WDR36: variants seen among roughly 807,000 people sequenced by gnomAD.
The protein encoded by WDR36 is WD repeat domain 36, also known as WD repeat-containing protein 36.
A neutral mutation model predicts 112.7 loss-of-function variants in WDR36; 63 were observed. The observed-to-expected ratio is 0.56, with a 90% CI of 0.46 to 0.69. The LOEUF is 0.69. WDR36 is among the 30% of genes least tolerant of loss of function. WDR36 has a pLI of 0.00. For missense variants in WDR36, 1,226 were observed against 1,070.3 expected (o/e 1.15, Z -2.03); for synonymous variants, 410 against 362.2 (o/e 1.13, Z -1.50).
intron 11 of WDR36, 30 bp downstream of exon 11, chr5:111,106,173 G>T (rs917701196): frequency 2.3e-5 from 35 of 1,545,408 alleles, no homozygotes; most frequent in Non-Finnish European, 3.1e-5. Context: ...GTTTTGAGAA[G>T]TTCTCCTTTG....
chr5:111,115,046 T>C (rs1392451288), intron 16 of WDR36, among the ~76,000 whole-genome samples: 2 of 152,154 alleles, frequency 1.3e-5, no homozygotes, highest in African/African-American at 4.8e-5. Context: ...GTTGAACAGA[T>C]TCAAATCTGA....
At position 111,103,908 on chromosome 5, in the gene WDR36, A is replaced by G. The variant is rs1467634312; in HGVS notation, c.720A>G (p.Ser240=). 1 of 1,611,026 alleles carries G rather than the reference A, an allele frequency of 6.2e-7. No homozygotes were observed. Among genetic ancestry groups the G allele is most frequent in the East Asian group, 2.2e-5 (1 of 44,790 alleles). ...RQDWGPITSI[S]FRTDGHPVMA... ...ACTGGGGACCCATTACTTCAATTTC[A>G]TTTCGCACAGGTAACTTTTAACATA... The change falls in exon 7 of 23, where the codon TCA becomes TCG. Residue 240 remains serine, a synonymous_variant. Transcript: ENST00000513710.
intron 1 of WDR36, among the ~76,000 whole-genome samples, chr5:111,094,308 C>T (rs1752931568): frequency 6.6e-6 from 1 of 152,108 alleles, no homozygotes; most frequent in African/African-American, 2.4e-5. Flanking sequence ...AAATAAATAC[C>T]TGTTTTACAG....
Position 111,104,296 on chromosome 5 carries a change from A to G in WDR36, c.850A>G (p.Thr284Ala), listed in dbSNP as rs938626153. 4 of 1,612,058 alleles carry G rather than the reference A, an allele frequency of 2.5e-6. No individual in the cohort carries two copies. Among genetic ancestry groups the G allele is most frequent in the Admixed American group, 3.3e-5 (2 of 59,834 alleles). ...NAHSTAIAGL[T>A]FLHREPLLVT... ...ACACTCTACAGCAATTGCCGGACTG[A>G]CATTTCTCCATAGAGAGCCACTTCT... The change falls in exon 8 of 23, where the codon ACA (threonine) becomes GCA (alanine). Residue 284 changes from threonine to alanine, a missense_variant. Transcript: ENST00000513710.
rs762528315 is a variant in WDR36 at position 111,121,027 on chromosome 5, A to T, written c.2034A>T (p.Pro678=). The T allele has an allele frequency of 6.2e-7, 1 of 1,613,408 alleles. No homozygotes were observed. Among genetic ancestry groups the T allele is most frequent in the Non-Finnish European group, 8.5e-7 (1 of 1,179,586 alleles). The change falls in exon 19 of 23, where the codon CCA becomes CCT. Residue 678 remains proline (P), a synonymous_variant. Coordinates refer to ENST00000513710, the MANE Select transcript of WDR36 (RefSeq NM_139281.3). ...DVEVSEETVE[P]SDELIEYDSP... ...AAGTATCAGAAGAAACAGTAGAACC[A>T]AGTGATGAATTGATAGAATATGATT...
intron 5 of WDR36, 66 bp downstream of exon 5, chr5:111,100,787 T>A: frequency 6.7e-7 from 1 of 1,486,452 alleles, no homozygotes; most frequent in South Asian, 1.2e-5. Context: ...TCCTAATGTA[T>A]ACTTAAGTCT....
intron 8 of WDR36, among the ~76,000 whole-genome samples, 160 bp downstream of exon 8, chr5:111,104,512 T>C (rs1478587959): frequency 6.6e-6 from 1 of 151,726 alleles, no homozygotes; most frequent in African/African-American, 2.4e-5. Context: ...GTGACATGAT[T>C]GCAGTGAAGC....
intron 5 of WDR36, among the ~76,000 whole-genome samples, chr5:111,100,938 C>G (rs1002282469): frequency 2.0e-5 from 3 of 151,840 alleles, no homozygotes; most frequent in Non-Finnish European, 4.4e-5. Context: ...AATAAAACAT[C>G]ACATTTTAAA....
intron 2 of WDR36, chr5:111,095,307 G>T (rs939382495): frequency 4.7e-6 from 1 of 211,758 alleles, no homozygotes; most frequent in Non-Finnish European, 9.6e-6. Flanking sequence ...ACAGTGAATT[G>T]TATCAGAAGG....
At chr5:111,095,719 A>T (rs886812665) in intron 2 of WDR36, among the ~76,000 whole-genome samples, 2 of 152,238 alleles carry the variant, frequency 1.3e-5, no homozygotes, top group African/African-American at 4.8e-5. Flanking sequence ...CCGGAATCTG[A>T]AACACTTCTG....
Position 111,121,160 on chromosome 5 carries a change from T to C in WDR36, c.2148+19T>C, listed in dbSNP as rs761400540. 1 of 1,613,018 alleles carries C rather than the reference T, an allele frequency of 6.2e-7. No individual in the cohort carries two copies. Among genetic ancestry groups the C allele is most frequent in the Non-Finnish European group, 8.5e-7 (1 of 1,179,232 alleles). ...TATTAAGGTAATAATTAACATTCTT[T>C]ATAGACCCTAAGCATGCATCCAGAA... On this transcript the variant is annotated intron_variant, in intron 19 of 22. Transcript: ENST00000513710.
Position 111,123,894 on chromosome 5 carries a change from T to C in WDR36, c.2238T>C (p.Ala746=). Residue 746 remains alanine (A), a synonymous_variant, in exon 20 of 23, where the codon GCT becomes GCC. Transcript: ENST00000513710. ...TTCCTGGCCTTGTACCCAGATATGC[T>C]GCACCTGAACAAAATAATGATCCCC... The part of the protein sequence containing the change: ...PTIPGLVPRY[A]APEQNNDPQQ... 3 of 1,613,820 alleles carry C rather than the reference T, an allele frequency of 1.9e-6. No individual in the cohort carries two copies. Among genetic ancestry groups the C allele is most frequent in the Non-Finnish European group, 2.5e-6 (3 of 1,179,892 alleles).
rs766562225 is a variant in WDR36, at chr5:111,113,140, C to T, written c.1783C>T (p.Leu595Phe). The change falls in exon 16 of 23, where the codon CTT becomes TTT. Residue 595 changes from leucine to phenylalanine, a missense_variant. Coordinates refer to ENST00000513710, the MANE Select transcript of WDR36 (RefSeq NM_139281.3). ...AMDCSIRTWD[L>F]PSGCLIDCFL... ...GGATTGCTCTATTAGGACTTGGGAC[C>T]TTCCTTCTGGGTGGTAAGTTTATAT... 1 of 1,586,066 alleles carries T rather than the reference C, an allele frequency of 6.3e-7. No individual in the cohort carries two copies. Among genetic ancestry groups the T allele is most frequent in the Non-Finnish European group, 8.6e-7 (1 of 1,162,824 alleles).
chr5:111,101,733 A>G (rs1753124995), intron 5 of WDR36, among the ~76,000 whole-genome samples: 1 of 151,884 alleles, frequency 6.6e-6, no homozygotes, highest in Non-Finnish European at 1.5e-5. Flanking sequence ...GATGTTTTAA[A>G]TCAGTGTTTC....
At chr5:111,098,628 C>T in intron 3 of WDR36, 94 bp from the exon 4 acceptor site, 1 of 853,494 alleles carries the variant, frequency 1.2e-6, no homozygotes, top group Non-Finnish European at 2.0e-6. Context: ...TTAACAGAAG[C>T]ATCTCAGGAT....
At chr5:111,105,060 T>G (rs1209520928) in intron 9 of WDR36, among the ~76,000 whole-genome samples, 1 of 151,650 alleles carries the variant, frequency 6.6e-6, no homozygotes, top group Non-Finnish European at 1.5e-5. Flanking sequence ...CTAAAAATTC[T>G]GTTAGTCTGC....
intron 10 of WDR36, 44 bp from the exon 11 acceptor site, chr5:111,106,013 G>A (rs746037262): frequency 1.0e-5 from 15 of 1,432,224 alleles, no homozygotes. Context: ...TTTTTATTAA[G>A]AAGGATTCAT....
Position 111,092,348 on chromosome 5 carries a change from G to T in WDR36, c.-109G>T, listed in dbSNP as rs760274851. On this transcript the variant is annotated 5_prime_UTR_variant, in exon 1 of 23. Coordinates refer to ENST00000513710, the MANE Select transcript of WDR36 (RefSeq NM_139281.3). Reference sequence around the variant, plus strand: ...ATTCGCAGCGGGCGCCGGAAGCGGTGTTGTGTCTGCAGCTCTGGCAGAGGA... The same window carrying T: ...ATTCGCAGCGGGCGCCGGAAGCGGTTTTGTGTCTGCAGCTCTGGCAGAGGA... The T allele has an allele frequency of 4.3e-6, 7 of 1,614,238 alleles. No homozygotes were observed. Among genetic ancestry groups the T allele is most frequent in the African/African-American group, 1.3e-5 (1 of 75,070 alleles).
At chr5:111,116,029 G>A (rs147495749) in intron 16 of WDR36, among the ~76,000 whole-genome samples, 1 of 151,216 alleles carries the variant, frequency 6.6e-6, no homozygotes, top group African/African-American at 2.4e-5. Flanking sequence ...TGCAACCACC[G>A]TCTCCCAGGT....
Sources: allele counts gnomAD v4.1 joint callset (sites outside exome capture counted in the v4.1 genomes callset), GRCh38; gene constraint gnomAD v4.1.1; transcripts MANE v1.5; gene names NCBI Gene and HGNC (gene_info 2026-07-23, HGNC 2026-07-21).